Variants in PCDHGB1 observed in about 807,000 individuals in gnomAD.
The protein encoded by PCDHGB1 is protocadherin gamma subfamily B, 1.
In PCDHGB1, 34 loss-of-function variants were observed where a neutral mutation model predicts 56.6. The ratio of observed to expected loss-of-function variants is 0.60; its 90% CI spans 0.46 to 0.80. The LOEUF is 0.80. Among genes scored for constraint, PCDHGB1 ranks in the 30% least tolerant of loss-of-function variants. PCDHGB1 has a pLI of 0.00. For synonymous variants in PCDHGB1, 561 were observed against 505.9 expected (o/e 1.11, Z -1.46); for missense variants, 1,278 against 1,204.6 (o/e 1.06, Z -0.90).
At chr5:141,372,236 C>T (rs777727544) in intron 1 of PCDHGB1, 44 of 1,613,204 alleles carry the variant, frequency 2.7e-5, no homozygotes, top group Non-Finnish European at 3.6e-5. Flanking sequence ...CCAGCGAGCC[C>T]GGGCTGTTCA....
At chr5:141,410,715 G>C (rs1237496496) in intron 1 of PCDHGB1, 1 of 1,422,664 alleles carries the variant, frequency 7.0e-7, no homozygotes, top group Non-Finnish European at 9.4e-7. Context: ...AGAATCATAT[G>C]TTTAAAATCC....
intron 1 of PCDHGB1, chr5:141,384,604 A>G (rs762562769): frequency 3.1e-6 from 5 of 1,613,896 alleles, no homozygotes; most frequent in South Asian, 2.2e-5. Context: ...GGCCCTCCCC[A>G]CAGATGGTTC....
intron 1 of PCDHGB1, chr5:141,398,671 A>G (rs759202675): frequency 1.2e-6 from 2 of 1,614,018 alleles, no homozygotes; most frequent in Non-Finnish European, 1.7e-6. Context: ...CTCATTAATA[A>G]TTAAGGAGAA....
At position 141,486,778 on chromosome 5, in the gene PCDHGB1, G is replaced by A. The variant is rs750169906; in HGVS notation, c.2410-8029G>A. The A allele has an allele frequency of 1.2e-6, 2 of 1,614,104 alleles. No individual in the cohort carries two copies. Among genetic ancestry groups the A allele is most frequent in the Admixed American group, 1.7e-5 (1 of 60,006 alleles). ...AAACCCAGACACTGCAGTTTGAGGT[G>A]CAGGCCCGGGATCGGGGCAACCCAC... is the stretch of plus-strand genomic sequence containing the variant. On this transcript the variant is annotated intron_variant, in intron 1 of 3. Coordinates refer to ENST00000523390, the MANE Select transcript of PCDHGB1 (RefSeq NM_018922.3). This position sits in a 1 kb window ranked among gnomAD's most constrained non-coding sequence, Gnocchi z 5.0.
Position 141,423,337 on chromosome 5 carries a change from A to G in PCDHGB1, c.2409+70668A>G, listed in dbSNP as rs769321122. The G allele has an allele frequency of 6.0e-5, 97 of 1,614,180 alleles. 1 individual carries two copies. The African/African-American group carries it at 8.9e-4, about 15-fold the overall frequency. ...GGTGGCGGTGGCCGCAGTCTCCTGC[A>G]TCTTCCTGGTCTTTGTCATCGTGCT... On this transcript the variant is annotated intron_variant, in intron 1 of 3. Coordinates refer to ENST00000523390, the MANE Select transcript of PCDHGB1 (RefSeq NM_018922.3).
chr5:141,355,478 A>G, intron 1 of PCDHGB1: 1 of 1,614,082 alleles, frequency 6.2e-7, no homozygotes, highest in African/African-American at 1.3e-5. Context: ...ATAGACAGGG[A>G]GGAGCTCTGC....
chr5:141,491,048 C>G lies in PCDHGB1; in HGVS notation c.2410-3759C>G. On this transcript the variant is annotated intron_variant, in intron 1 of 3. Coordinates refer to ENST00000523390, the MANE Select transcript of PCDHGB1 (RefSeq NM_018922.3). The surrounding 1 kb of genome is among the most constrained non-coding windows in gnomAD (Gnocchi z 6.9). ...GTGGATGCTGATGCAGGCCACAATGCGTGGCTCTCCTACTCACTGTTGCCA... is the reference window on the plus strand; with the variant it reads ...GTGGATGCTGATGCAGGCCACAATGGGTGGCTCTCCTACTCACTGTTGCCA... 1.2e-6 allele frequency: 2 copies of G among 1,614,066 alleles called. No individual in the cohort carries two copies. Among genetic ancestry groups the G allele is most frequent in the Non-Finnish European group, 8.5e-7 (1 of 1,179,952 alleles).
intron 1 of PCDHGB1, chr5:141,365,030 G>C (rs1227821908): frequency 1.9e-6 from 3 of 1,613,740 alleles, no homozygotes; most frequent in Non-Finnish European, 2.5e-6. Context: ...TACGGTCCTC[G>C]ACGCAAACGA....
intron 1 of PCDHGB1, chr5:141,416,492 A>G (rs183273356): frequency 1.4e-4 from 22 of 152,306 alleles, no homozygotes; most frequent in Admixed American, 1.4e-3. Flanking sequence ...AACAGGAGCA[A>G]GAGATATATG....
At chr5:141,474,754 T>C (rs1351752958) in intron 1 of PCDHGB1, among the ~76,000 whole-genome samples, 4 of 152,228 alleles carry the variant, frequency 2.6e-5, no homozygotes, top group Non-Finnish European at 4.4e-5. Flanking sequence ...CCAAGACAAA[T>C]ATACAGAAAT....
In PCDHGB1 at chr5:141,490,455, G is replaced by A. The variant is rs746957706; in HGVS notation, c.2410-4352G>A. The A allele has an allele frequency of 9.3e-6, 15 of 1,614,010 alleles. No individual in the cohort carries two copies. The highest frequency in any genetic ancestry group is 2.2e-5 in the South Asian group (2 of 91,084). ...TTAAGCCTTCTGAGAACCACTACTC[G>A]CTGCTAACCAGCCAGCCTTTGGACC... On this transcript the variant is annotated intron_variant, in intron 1 of 3. Coordinates refer to ENST00000523390, the MANE Select transcript of PCDHGB1 (RefSeq NM_018922.3). The surrounding 1 kb of genome is among the most constrained non-coding windows in gnomAD (Gnocchi z 5.4).
chr5:141,388,555 G>A, intron 1 of PCDHGB1: 1 of 1,613,826 alleles, frequency 6.2e-7, no homozygotes, highest in Non-Finnish European at 8.5e-7. Context: ...CCCCTAAGCA[G>A]CACTGCACAG....
At chr5:141,381,743 C>T (rs9324849) in intron 1 of PCDHGB1, among the ~76,000 whole-genome samples, 4,143 of 151,894 alleles carry the variant, frequency 0.027, 183 homozygotes, top group African/African-American at 0.096. Flanking sequence ...ATTTGGATTC[C>T]GACATTGTTC....
intron 1 of PCDHGB1, chr5:141,422,941 G>A (rs777535652): frequency 9.9e-6 from 16 of 1,614,218 alleles, no homozygotes; most frequent in East Asian, 4.5e-5. Context: ...CCCCACAGAC[G>A]GCTCCACTGG....
chr5:141,483,401 A>G (rs1052240280), intron 1 of PCDHGB1, among the ~76,000 whole-genome samples: 2 of 152,202 alleles, frequency 1.3e-5, no homozygotes, highest in African/African-American at 4.8e-5. Context: ...TGCTTGAACC[A>G]GCACAGTGGC....
At chr5:141,403,159 A>G (rs778714191) in intron 1 of PCDHGB1, 2 of 1,614,002 alleles carry the variant, frequency 1.2e-6, no homozygotes, top group East Asian at 4.5e-5. Context: ...TCGTCTCTAG[A>G]GGTAGGACGC....
chr5:141,437,741 CTTT>C (rs35124340), intron 1 of PCDHGB1, among the ~76,000 whole-genome samples: 1 of 141,708 alleles, frequency 7.1e-6, no homozygotes. Context: ...TTGAGTTCAC[CTTT>C]TTTTTTTTTT....
rs753503057 is a variant in PCDHGB1 at position 141,400,154 on chromosome 5, T to A, written c.2409+47485T>A. 8 of 1,614,074 alleles carry A rather than the reference T, an allele frequency of 5.0e-6. 1 individual carries two copies. In the South Asian group the frequency reaches 6.6e-5, roughly 13 times the overall value. On this transcript the variant is annotated intron_variant, in intron 1 of 3. Coordinates refer to ENST00000523390, the MANE Select transcript of PCDHGB1 (RefSeq NM_018922.3). ...CTGCCGGATATCACTGACCGCCCTG[T>A]ACCCTCTGACCCCCAGGCTGAGCTG...
At chr5:141,420,432 T>C in intron 1 of PCDHGB1, 2 of 1,149,120 alleles carry the variant, frequency 1.7e-6, no homozygotes, top group Non-Finnish European at 2.3e-6. Flanking sequence ...AAAGTTTAAA[T>C]TAAATGCCTC....
Sources: allele counts gnomAD v4.1 joint callset (sites outside exome capture counted in the v4.1 genomes callset), GRCh38; gene constraint gnomAD v4.1.1; non-coding constraint Gnocchi (gnomAD v3.1); transcripts MANE v1.5; gene names NCBI Gene and HGNC (gene_info 2026-07-23, HGNC 2026-07-21).